Variants in COL5A2 observed in about 807,000 individuals in gnomAD.
COL5A2 encodes the protein collagen alpha-2(V) chain.
A neutral mutation model predicts 208.2 loss-of-function variants in COL5A2; 23 were observed. The ratio of observed to expected loss-of-function variants is 0.11; its 90% CI spans 0.08 to 0.16. The LOEUF is 0.16. COL5A2 is among the 10% of genes least tolerant of loss of function. The pLI, the probability that COL5A2 is intolerant of heterozygous loss-of-function variation, is 1.00. For synonymous variants in COL5A2, 625 were observed against 628.5 expected (o/e 0.99, Z 0.08); for missense variants, 1,590 against 1,956.4 (o/e 0.81, Z 3.53).
At chr2:189,315,240 T>G in the COL5A2 span, among the ~76,000 whole-genome samples, 4 of 152,110 alleles carry the variant, frequency 2.6e-5, no homozygotes, top group African/African-American at 9.7e-5. Flanking sequence ...TCCACCACAA[T>G]CAAGTAAGCT....
At chr2:189,252,618 G>A in the COL5A2 span, among the ~76,000 whole-genome samples, 3 of 151,970 alleles carry the variant, frequency 2.0e-5, no homozygotes, top group Non-Finnish European at 4.4e-5. Flanking sequence ...GTTGTGGGGT[G>A]GGGGGAGTGG....
chr2:189,067,063 A>C (rs1252917482), intron 21 of COL5A2, among the ~76,000 whole-genome samples: 1 of 152,190 alleles, frequency 6.6e-6, no homozygotes, highest in Non-Finnish European at 1.5e-5. Context: ...GAATAAATAG[A>C]ATTATTGAGT....
chr2:189,356,978 T>C, the COL5A2 span, among the ~76,000 whole-genome samples: 1 of 152,302 alleles, frequency 6.6e-6, no homozygotes, highest in East Asian at 1.9e-4. Context: ...TAGTTTTCCT[T>C]CTTACATGCC....
At chr2:189,188,960 A>C (rs1032431944) in intron 1 of COL5A2, among the ~76,000 whole-genome samples, 1 of 152,216 alleles carries the variant, frequency 6.6e-6, no homozygotes, top group African/African-American at 2.4e-5. Flanking sequence ...GGAGAAAACT[A>C]TCTCTTCTAC....
At chr2:189,377,447 C>G in the COL5A2 span, among the ~76,000 whole-genome samples, 46 of 152,088 alleles carry the variant, frequency 3.0e-4, no homozygotes, top group Admixed American at 2.8e-3. Context: ...ATACATGGTC[C>G]TCAAAGACAG....
At chr2:189,116,270 G>A (rs1456368567) in intron 1 of COL5A2, among the ~76,000 whole-genome samples, 3 of 152,212 alleles carry the variant, frequency 2.0e-5, no homozygotes, top group African/African-American at 7.2e-5. Context: ...CACAGATGCT[G>A]CCTTTAGTAA....
intron 16 of COL5A2, among the ~76,000 whole-genome samples, chr2:189,076,735 T>C (rs928403044): frequency 2.6e-5 from 4 of 152,094 alleles, no homozygotes; most frequent in Non-Finnish European, 5.9e-5. Flanking sequence ...GGGTCCTGGA[T>C]TGGGAGGAGT....
chr2:189,333,184 T>C, the COL5A2 span, among the ~76,000 whole-genome samples: 5 of 151,998 alleles, frequency 3.3e-5, no homozygotes, highest in South Asian at 8.3e-4. Flanking sequence ...CCAAAGAAAG[T>C]AGGAAAGGTG....
chr2:189,331,929 G>A, the COL5A2 span, among the ~76,000 whole-genome samples: 6 of 142,830 alleles, frequency 4.2e-5, no homozygotes, highest in South Asian at 4.5e-4. Context: ...CAGCCTGGGC[G>A]ACAGAGCAAG....
At chr2:189,392,297 G>C in the COL5A2 span, among the ~76,000 whole-genome samples, 2 of 151,994 alleles carry the variant, frequency 1.3e-5, no homozygotes, top group African/African-American at 2.4e-5. Context: ...AACCAGAGCT[G>C]GAAATATCTA....
chr2:189,034,237 G>A (rs764935649), intron 53 of COL5A2, 21 bp from the exon 54 acceptor site: 5 of 1,613,320 alleles, frequency 3.1e-6, no homozygotes, highest in Non-Finnish European at 4.2e-6. Context: ...ATGATGCAAT[G>A]GGTTAAATGT....
rs1425213341 is a variant in COL5A2, at chr2:189,051,400, C to T, written c.2851G>A (p.Gly951Arg). The T allele has an allele frequency of 6.2e-7, 1 of 1,614,042 alleles. No homozygotes were observed. Among genetic ancestry groups the T allele is most frequent in the South Asian group, 1.1e-5 (1 of 91,066 alleles). ...PGLRGDPGSH[G>R]RVGDRGPAGP... Reference sequence around the variant, plus strand: ...GCTGGTCCTCGATCTCCCACACGCCCATGAGAGCCAGGGTCCCCACGAAGA... The same window carrying T: ...GCTGGTCCTCGATCTCCCACACGCCTATGAGAGCCAGGGTCCCCACGAAGA... Residue 951 changes from glycine to arginine, a missense_variant, in exon 42 of 54, where the codon GGG becomes AGG. Gly to Arg is a moderately radical substitution (Grantham distance 125). Transcript: ENST00000374866.
chr2:189,166,330 ATT>A (rs570782908), intron 1 of COL5A2, among the ~76,000 whole-genome samples: 1 of 147,096 alleles, frequency 6.8e-6, no homozygotes, highest in African/African-American at 2.5e-5. Flanking sequence ...GACAGGTTGA[ATT>A]TTTTTTTTTT....
chr2:189,429,868 T>G, the COL5A2 span, among the ~76,000 whole-genome samples: 1 of 152,224 alleles, frequency 6.6e-6, no homozygotes, highest in Non-Finnish European at 1.5e-5. Context: ...ATAATATTAC[T>G]GTAGGCAATA....
rs554390340 is a variant in COL5A2 at position 189,114,434 on chromosome 2, T to C, written c.98-3985A>G. Among the ~76,000 whole-genome samples the C allele has an allele frequency of 2.0e-5, 3 of 152,216 alleles. No homozygotes were observed. The South Asian group carries it at 6.2e-4, about 32-fold the overall frequency. On this transcript the variant is annotated intron_variant, in intron 1 of 53. Transcript: ENST00000374866. ...AAGAAAAGTAAAATAGAAAGCAAAA[T>C]TGCAGCCAATTTGTTGAAAAATATT...
rs71020980 is a variant in COL5A2, at chr2:189,059,585, G to GTT, written c.2086-694_2086-693dup. Among the ~76,000 whole-genome samples, 76 of 28,638 alleles carry GTT rather than the reference G, an allele frequency of 2.7e-3. 19 individuals are homozygous for GTT. Among genetic ancestry groups the GTT allele is most frequent in the South Asian group, 0.016 (7 of 446 alleles). The allele number at this position is 28,638 out of a possible 152,430, so 18.8% of individuals were successfully genotyped here. ...AAAAACCCTTCTTTTTTCTTTTCTGGTTTTTTTTTTTTTTTTTTTTTTTTT... is the reference window on the plus strand; with the variant it reads ...AAAAACCCTTCTTTTTTCTTTTCTGGTTTTTTTTTTTTTTTTTTTTTTTTTTT... On this transcript the variant is annotated intron_variant, in intron 31 of 53. Transcript: ENST00000374866.
At chr2:189,434,071 A>G in the COL5A2 span, among the ~76,000 whole-genome samples, 1 of 152,206 alleles carries the variant, frequency 6.6e-6, no homozygotes, top group African/African-American at 2.4e-5. Context: ...AATAGAACCA[A>G]TGACAAAAAC....
At chr2:189,042,687 T>C (rs532867198) in intron 49 of COL5A2, 33 bp downstream of exon 49, 27 of 1,593,652 alleles carry the variant, frequency 1.7e-5, no homozygotes, top group African/African-American at 1.3e-4. Context: ...CATTATTATT[T>C]ACACCTGCAA....
At chr2:189,257,259 T>C in the COL5A2 span, among the ~76,000 whole-genome samples, 5 of 152,206 alleles carry the variant, frequency 3.3e-5, no homozygotes, top group African/African-American at 1.2e-4. Context: ...CCTCAGTTTA[T>C]AGAAAATGTA....
Sources: allele counts gnomAD v4.1 joint callset (sites outside exome capture counted in the v4.1 genomes callset), GRCh38; gene constraint gnomAD v4.1.1; transcripts MANE v1.5; gene names NCBI Gene and HGNC (gene_info 2026-07-23, HGNC 2026-07-21).